Variants in THRB observed in about 807,000 individuals in gnomAD.
The protein encoded by THRB is nuclear receptor subfamily 1 group A member 2.
In THRB, 12 loss-of-function variants were observed where a neutral mutation model predicts 47.8. The observed-to-expected ratio is 0.25, with a 90% confidence interval of 0.16 to 0.41. THRB has a LOEUF of 0.41. Among genes scored for constraint, THRB ranks in the 10% least tolerant of loss-of-function variants. The pLI is 1.00. For synonymous variants in THRB, 218 were observed against 212.2 expected, an observed-to-expected ratio of 1.03 and a Z score of -0.24; for missense variants, 348 against 589.2, an observed-to-expected ratio of 0.59 and a Z score of 4.24.
intron 1 of THRB, among the ~76,000 whole-genome samples, chr3:24,394,652 G>A (rs77546509): frequency 0.025 from 3,832 of 152,168 alleles, 186 homozygotes; most frequent in African/African-American, 0.088. Flanking sequence ...ACAGGCAGGA[G>A]CAGAAAGCAA....
At chr3:24,186,119 G>A (rs146122532) in intron 5 of THRB, among the ~76,000 whole-genome samples, 106 of 152,138 alleles carry the variant, frequency 7.0e-4, no homozygotes, top group Non-Finnish European at 1.4e-3. Flanking sequence ...CCTGTGCAAC[G>A]AGTTGAAGAG....
At chr3:24,175,880 C>CTAACCTTTTCCCTT (rs879343325) in intron 5 of THRB, among the ~76,000 whole-genome samples, 970 of 152,220 alleles carry the variant, frequency 6.4e-3, no homozygotes, top group South Asian at 0.059. Flanking sequence ...GCTTTTCTTA[C>CTAACCTTTTCCCTT]TGTACATAAT....
intron 1 of THRB, among the ~76,000 whole-genome samples, chr3:24,407,442 C>T (rs183645123): frequency 1.2e-3 from 184 of 151,900 alleles, no homozygotes; most frequent in Non-Finnish European, 1.9e-3. Context: ...ACCAGACCTA[C>T]CAGCTGACAC....
chr3:24,240,464 A>C (rs892108191), intron 3 of THRB, among the ~76,000 whole-genome samples: 7 of 152,232 alleles, frequency 4.6e-5, no homozygotes, highest in African/African-American at 1.7e-4. Flanking sequence ...AATTACACGG[A>C]TGCCAACCAT....
intron 3 of THRB, among the ~76,000 whole-genome samples, chr3:24,280,347 G>A (rs1488165855): frequency 1.3e-5 from 2 of 152,054 alleles, no homozygotes; most frequent in Non-Finnish European, 2.9e-5. Flanking sequence ...CACATGGCCA[G>A]GTACTCCAAC....
At chr3:24,218,334 CTCTCTCTCTT>C (rs1196872067) in intron 4 of THRB, among the ~76,000 whole-genome samples, 18 of 117,216 alleles carry the variant, frequency 1.5e-4, no homozygotes, top group African/African-American at 5.9e-4. Context: ...GTCTCTCTCT[CTCTCTCTCTT>C]TTTTTTTTTT....
At chr3:24,393,866 CT>C (rs1462221661) in intron 1 of THRB, among the ~76,000 whole-genome samples, 1 of 152,010 alleles carries the variant, frequency 6.6e-6, no homozygotes, top group Non-Finnish European at 1.5e-5. Context: ...TGCTAATGGC[CT>C]TTTAAAATCT....
intron 1 of THRB, among the ~76,000 whole-genome samples, chr3:24,472,157 G>GT (rs980802628): frequency 1.3e-5 from 2 of 152,124 alleles, no homozygotes; most frequent in African/African-American, 4.8e-5. Context: ...CACCTAGCTA[G>GT]TAGGGACACC....
intron 4 of THRB, among the ~76,000 whole-genome samples, chr3:24,210,866 G>A (rs1348675290): frequency 6.6e-6 from 1 of 152,098 alleles, no homozygotes; most frequent in Non-Finnish European, 1.5e-5. Context: ...TTTTTGGGAG[G>A]GTTCCATAGT....
chr3:24,247,957 T>C (rs182441561), intron 3 of THRB, among the ~76,000 whole-genome samples: 1 of 151,812 alleles, frequency 6.6e-6, no homozygotes, highest in African/African-American at 2.4e-5. Context: ...AAACCAATTA[T>C]TTGAAAAGTT....
intron 1 of THRB, among the ~76,000 whole-genome samples, chr3:24,469,462 A>G (rs73036438): frequency 2.8e-4 from 42 of 152,318 alleles, no homozygotes; most frequent in Non-Finnish European, 4.1e-4. Context: ...CAACTCCCCA[A>G]CAAACCAGGG....
intron 2 of THRB, among the ~76,000 whole-genome samples, chr3:24,301,446 T>A (rs191554224): frequency 1.3e-5 from 2 of 152,360 alleles, no homozygotes; most frequent in East Asian, 3.8e-4. Flanking sequence ...TTATGAATGC[T>A]GTGGCAAAGC....
chr3:24,151,919 T>G (rs973015495), intron 6 of THRB, among the ~76,000 whole-genome samples: 1 of 152,178 alleles, frequency 6.6e-6, no homozygotes, highest in African/African-American at 2.4e-5. Flanking sequence ...GCCTCAAAGA[T>G]ATTCCCTATT....
intron 4 of THRB, among the ~76,000 whole-genome samples, chr3:24,228,456 T>C (rs1261489264): frequency 1.3e-5 from 2 of 151,892 alleles, no homozygotes; most frequent in Non-Finnish European, 2.9e-5. Context: ...ATTTATTATA[T>C]TAATTGGAAT....
At chr3:24,473,640 A>G (rs949262677) in intron 1 of THRB, among the ~76,000 whole-genome samples, 31 of 152,190 alleles carry the variant, frequency 2.0e-4, no homozygotes, top group South Asian at 4.1e-4. Context: ...ACATGCACAC[A>G]TATGTTTATT....
intron 5 of THRB, among the ~76,000 whole-genome samples, chr3:24,178,269 T>C (rs2041434529): frequency 6.6e-6 from 1 of 152,212 alleles, no homozygotes; most frequent in Admixed American, 6.5e-5. Flanking sequence ...CAAAATTTTA[T>C]AGGAACAAAC....
At chr3:24,274,110 C>A (rs1288903150) in intron 3 of THRB, among the ~76,000 whole-genome samples, 1 of 152,168 alleles carries the variant, frequency 6.6e-6, no homozygotes, top group Admixed American at 6.6e-5. Context: ...CTGACCTGAT[C>A]TAACAAACTT....
chr3:24,237,278 T>C (rs1202581294), intron 3 of THRB, among the ~76,000 whole-genome samples: 1 of 152,222 alleles, frequency 6.6e-6, no homozygotes, highest in Admixed American at 6.5e-5. Context: ...GGCAAAGCTA[T>C]ACTTTTCATT....
At chr3:24,192,844 T>G (rs772545328) in intron 4 of THRB, among the ~76,000 whole-genome samples, 3 of 152,188 alleles carry the variant, frequency 2.0e-5, no homozygotes, top group Non-Finnish European at 4.4e-5. Context: ...ATAATTACTG[T>G]CTGTAATTAC....
Sources: allele counts gnomAD v4.1 joint callset (sites outside exome capture counted in the v4.1 genomes callset), GRCh38; gene constraint gnomAD v4.1.1; transcripts MANE v1.5; gene names NCBI Gene and HGNC (gene_info 2026-07-23, HGNC 2026-07-21).